The following DOCK1 variants were observed in gnomAD, a reference collection of about 807,000 sequenced individuals.
DOCK1 encodes dedicator of cytokinesis 1.
A neutral mutation model predicts 262.7 loss-of-function variants in DOCK1; 138 were observed. The ratio of observed to expected loss-of-function variants is 0.53; its 90% CI spans 0.46 to 0.61. The LOEUF (loss-of-function observed/expected upper bound fraction) is 0.61, where lower values mean the gene tolerates loss of function less well. DOCK1 is among the 20% of genes least tolerant of loss of function. The probability of loss-of-function intolerance (pLI) is 0.00; values close to 1 mark genes in which losing one functional copy is unlikely to be tolerated. For missense variants in DOCK1, 1,908 were observed against 2,370.7 expected (o/e 0.80, Z 4.05); for synonymous variants, 866 against 867.4 (o/e 1.00, Z 0.03).
At chr10:127,196,259 C>A (rs2057138329) in intron 27 of DOCK1, 2 of 149,116 alleles carry the variant, frequency 1.3e-5, no homozygotes, top group African/African-American at 2.4e-5. Flanking sequence ...TCGCGTCCCT[C>A]CGGCCCCGCT....
intron 10 of DOCK1, among the ~76,000 whole-genome samples, chr10:127,006,962 G>A (rs2041075924): frequency 6.6e-6 from 1 of 152,116 alleles, no homozygotes; most frequent in Admixed American, 6.5e-5. Flanking sequence ...CTGAACTGGT[G>A]GTCTCGGGCA....
intron 1 of DOCK1, among the ~76,000 whole-genome samples, chr10:126,946,475 G>T (rs1157869738): frequency 1.3e-5 from 2 of 152,152 alleles, no homozygotes; most frequent in Admixed American, 1.3e-4. Flanking sequence ...TGACCCGGAA[G>T]GCGGAGGTTG....
intron 1 of DOCK1, among the ~76,000 whole-genome samples, chr10:126,960,828 A>AT (rs1484541771): frequency 0.15 from 21,958 of 149,346 alleles, 2,267 homozygotes; most frequent in East Asian, 0.55. Flanking sequence ...ATACGTGTGT[A>AT]TATCTATACG....
rs201249300 is a variant in DOCK1 at position 127,106,231 on chromosome 10, G to A, written c.2446G>A (p.Gly816Arg). 1,020 of 1,583,022 alleles carry A rather than the reference G, an allele frequency of 6.4e-4. 3 individuals carry two copies. The highest frequency in any genetic ancestry group is 2.0e-3 in the Admixed American group (113 of 55,726). ...AGCCTTCTTGTTTCTTGATTTGCAG[G>A]GGGCAGCACTGAAATACTTACCAAC... is the stretch of plus-strand genomic sequence containing the variant. ...SMSDQTVRVK[G>R]AALKYLPTIV... is the part of the protein sequence containing the mutation. Residue 816 changes from glycine (G) to arginine (R), a missense_variant and splice_region_variant, in exon 24 of 52, where the codon GGG becomes AGG. Physicochemically the swap from Gly to Arg is moderately radical, Grantham distance 125 (BLOSUM62 -2). Coordinates refer to ENST00000623213, the MANE Select transcript of DOCK1 (RefSeq NM_001290223.2).
intron 15 of DOCK1, 130 bp downstream of exon 15, chr10:127,024,913 G>T: frequency 1.5e-6 from 1 of 679,466 alleles, no homozygotes; most frequent in Admixed American, 3.0e-5. Flanking sequence ...TCCCAACAAA[G>T]TCATTCAAGG....
At chr10:127,202,395 C>T (rs2057509748) in intron 27 of DOCK1, among the ~76,000 whole-genome samples, 1 of 152,142 alleles carries the variant, frequency 6.6e-6, no homozygotes, top group South Asian at 2.1e-4. Flanking sequence ...CCCACCAGCG[C>T]TGTGTGCTGG....
At chr10:126,914,109 C>T (rs931912346) in intron 1 of DOCK1, among the ~76,000 whole-genome samples, 3 of 152,228 alleles carry the variant, frequency 2.0e-5, no homozygotes, top group African/African-American at 4.8e-5. Context: ...CTCCCCAGCC[C>T]TGCTGCATGG....
Position 127,249,410 on chromosome 10 carries a change from T to TACACAC in DOCK1, c.2949+1302_2949+1303insCACACA, listed in dbSNP as rs767475211. Among the ~76,000 whole-genome samples the TACACAC allele has an allele frequency of 4.6e-4, 59 of 128,456 alleles. 1 individual carries two copies. The East Asian group carries it at 9.3e-3, about 20-fold the overall frequency. 84.3% of individuals were successfully genotyped at this position (128,456 alleles called of 152,430 possible). A position where few individuals can be genotyped will look rare whatever the true frequency, so the allele number is the denominator to read the frequency against. ...ATATATACACACATATATACATATA[T>TACACAC]ATATACATGTACATATATATATACA... is the stretch of plus-strand genomic sequence containing the variant. On this transcript the variant is annotated intron_variant, in intron 28 of 51. Transcript: ENST00000623213.
chr10:127,106,668 C>T (rs1199057245), intron 24 of DOCK1, among the ~76,000 whole-genome samples: 5 of 152,068 alleles, frequency 3.3e-5, no homozygotes, highest in South Asian at 2.1e-4. Flanking sequence ...ATTCCTGCGC[C>T]GGCTTCTGCT....
At position 127,444,018 on chromosome 10, in the gene DOCK1, C is replaced by A. The variant is rs557880729; in HGVS notation, c.5260-108C>A. On this transcript the variant is annotated intron_variant, in intron 49 of 51. Coordinates refer to ENST00000623213, the MANE Select transcript of DOCK1 (RefSeq NM_001290223.2). ...CAAAGACCCTATTTCCAGTTAAGGTCATATTCTAAGGTAATGGGGGTCAGG... is the reference window on the plus strand; with the variant it reads ...CAAAGACCCTATTTCCAGTTAAGGTAATATTCTAAGGTAATGGGGGTCAGG... The A allele has an allele frequency of 7.1e-6, 10 of 1,401,850 alleles. No individual in the cohort carries two copies. The South Asian group carries it at 1.2e-4, about 17-fold the overall frequency. 86.8% of individuals were successfully genotyped at this position (1,401,850 alleles called of 1,614,324 possible).
intron 1 of DOCK1, among the ~76,000 whole-genome samples, chr10:126,944,287 C>G (rs904886407): frequency 6.6e-6 from 1 of 152,016 alleles, no homozygotes; most frequent in East Asian, 1.9e-4. Context: ...ACTCAGGGTA[C>G]AGTTCTTCCC....
At chr10:126,920,545 T>A (rs1009785449) in intron 1 of DOCK1, among the ~76,000 whole-genome samples, 2 of 152,180 alleles carry the variant, frequency 1.3e-5, no homozygotes, top group African/African-American at 4.8e-5. Context: ...GAAAAGCCAA[T>A]GAAATCAAAG....
intron 22 of DOCK1, among the ~76,000 whole-genome samples, chr10:127,053,481 A>G (rs1042648350): frequency 6.6e-6 from 1 of 152,220 alleles, no homozygotes; most frequent in Non-Finnish European, 1.5e-5. Flanking sequence ...CTTCCTACAT[A>G]GGGTATTTCC....
At chr10:127,440,310 A>C (rs1300441131) in intron 49 of DOCK1, among the ~76,000 whole-genome samples, 3 of 152,100 alleles carry the variant, frequency 2.0e-5, no homozygotes, top group African/African-American at 7.2e-5. Flanking sequence ...GATGCCTCCC[A>C]CTGGCCGCAC....
chr10:127,004,522 A>C (rs2135208145), intron 10 of DOCK1, among the ~76,000 whole-genome samples: 1 of 152,030 alleles, frequency 6.6e-6, no homozygotes, highest in South Asian at 2.1e-4. Context: ...TGAGGAAGGC[A>C]GATCGCTTGA....
chr10:127,313,225 A>C lies in DOCK1; in HGVS notation c.3045-25781A>C, dbSNP rs1590393489. ...CCATGAGGCACCATGGGCACCCCTC[A>C]CCTCCCCTCAGAGTGCCACCCATAT... is the stretch of plus-strand genomic sequence containing the variant. On this transcript the variant is annotated intron_variant, in intron 29 of 51. Coordinates refer to ENST00000623213, the MANE Select transcript of DOCK1 (RefSeq NM_001290223.2). Among the ~76,000 whole-genome samples the C allele has an allele frequency of 3.3e-5, 5 of 151,494 alleles. No individual in the cohort carries two copies. The East Asian group carries it at 9.8e-4, about 30-fold the overall frequency.
At chr10:127,329,717 C>A (rs1443987232) in intron 29 of DOCK1, among the ~76,000 whole-genome samples, 1 of 152,144 alleles carries the variant, frequency 6.6e-6, no homozygotes, top group African/African-American at 2.4e-5. Context: ...TTTTTCATTA[C>A]CCAAGCTGCT....
intron 31 of DOCK1, among the ~76,000 whole-genome samples, chr10:127,353,066 G>A (rs1003191809): frequency 2.0e-5 from 3 of 152,090 alleles, no homozygotes; most frequent in African/African-American, 7.2e-5. Flanking sequence ...GTTCAGGGGG[G>A]CCACCTCTTT....
intron 47 of DOCK1, among the ~76,000 whole-genome samples, chr10:127,430,646 T>C (rs2069221884): frequency 1.8e-5 from 2 of 112,020 alleles, no homozygotes; most frequent in South Asian, 6.1e-4. Flanking sequence ...CAAAGGAAAA[T>C]GTGTCACCCT....
Sources: gnomAD v4.1 joint callset for allele counts (sites outside exome capture counted in the v4.1 genomes callset) on GRCh38, gnomAD v4.1.1 for gene constraint, MANE v1.5 for transcripts, NCBI Gene and HGNC (gene_info 2026-07-23, HGNC 2026-07-21) for gene names.